Variants in CCBE1 observed in about 807,000 individuals in gnomAD.
CCBE1 encodes collagen and calcium binding EGF domains 1, also known as collagen and calcium-binding EGF domain-containing protein 1.
CCBE1 carries 37 observed loss-of-function variants against 50.0 expected under a neutral mutation model. The ratio of observed to expected loss-of-function variants is 0.74; its 90% CI spans 0.57 to 0.97. The LOEUF is 0.97. CCBE1 is among the 50% of genes least tolerant of loss of function. The pLI, the probability that CCBE1 is intolerant of heterozygous loss-of-function variation, is 0.00. For missense variants in CCBE1, 538 were observed against 523.8 expected, an observed-to-expected ratio of 1.03 and a Z score of -0.26; for synonymous variants, 234 against 203.7, an observed-to-expected ratio of 1.15 and a Z score of -1.27.
At chr18:59,605,922 C>G (rs1213950750) in intron 2 of CCBE1, among the ~76,000 whole-genome samples, 2 of 152,160 alleles carry the variant, frequency 1.3e-5, no homozygotes, top group Non-Finnish European at 1.5e-5. Context: ...GGGGGAAATG[C>G]CTGAGCTAGG....
intron 2 of CCBE1, among the ~76,000 whole-genome samples, chr18:59,620,850 C>A (rs147639403): frequency 2.0e-5 from 3 of 152,256 alleles, no homozygotes; most frequent in African/African-American, 7.2e-5. Context: ...TCTTTATCAG[C>A]AATGTGAAAA....
chr18:59,512,075 C>G (rs577925002), intron 2 of CCBE1, among the ~76,000 whole-genome samples: 2 of 152,282 alleles, frequency 1.3e-5, no homozygotes, highest in East Asian at 1.9e-4. Flanking sequence ...GTTTCTACTT[C>G]CAGCAATCGT....
At chr18:59,686,280 G>A (rs1209320655) in intron 2 of CCBE1, 3 of 152,172 alleles carry the variant, frequency 2.0e-5, no homozygotes, top group Non-Finnish European at 4.4e-5. Flanking sequence ...TTAACCACTG[G>A]GATGAATGTC....
intron 2 of CCBE1, among the ~76,000 whole-genome samples, chr18:59,571,676 AAATG>A (rs1485552086): frequency 1.3e-5 from 2 of 152,272 alleles, no homozygotes; most frequent in African/African-American, 4.8e-5. Flanking sequence ...TAAAATGAAT[AAATG>A]AATAAACATA....
chr18:59,602,396 A>G (rs991750133), intron 2 of CCBE1, among the ~76,000 whole-genome samples: 2 of 152,094 alleles, frequency 1.3e-5, no homozygotes, highest in Non-Finnish European at 2.9e-5. Flanking sequence ...CCTTCTATCA[A>G]TTCATTAGAA....
chr18:59,529,757 C>G (rs1419407235), intron 2 of CCBE1, among the ~76,000 whole-genome samples: 1 of 152,124 alleles, frequency 6.6e-6, no homozygotes, highest in Non-Finnish European at 1.5e-5. Context: ...TAGTTCTTCT[C>G]AGTGGGAGCC....
intron 2 of CCBE1, among the ~76,000 whole-genome samples, chr18:59,508,665 A>G (rs1913992562): frequency 6.6e-6 from 1 of 150,674 alleles, no homozygotes; most frequent in South Asian, 2.1e-4. Flanking sequence ...GCATGAAGAG[A>G]TAACTTATGT....
intron 10 of CCBE1, among the ~76,000 whole-genome samples, chr18:59,437,283 G>A (rs1189568751): frequency 2.6e-5 from 4 of 152,210 alleles, no homozygotes; most frequent in African/African-American, 9.7e-5. Context: ...TCCCGCAACT[G>A]CTGCTACAGC....
intron 2 of CCBE1, among the ~76,000 whole-genome samples, chr18:59,680,010 G>A (rs1352162043): frequency 6.6e-6 from 1 of 151,852 alleles, no homozygotes; most frequent in Non-Finnish European, 1.5e-5. Flanking sequence ...AATCACCTGA[G>A]GTCAGGACGA....
At position 59,524,634 on chromosome 18, in the gene CCBE1, G is replaced by A. The variant is rs560748760; in HGVS notation, c.213-44396C>T. Among the ~76,000 whole-genome samples, 492 of 152,254 alleles carry A rather than the reference G, an allele frequency of 3.2e-3. 5 individuals are homozygous for A. Among genetic ancestry groups the A allele is most frequent in the African/African-American group, 0.011 (463 of 41,548 alleles). ...TTTTAAAGTTCCAAGATACATGTGCGAGATGTGCAGGTTTGTTACATAGGT... is the reference window on the plus strand; with the variant it reads ...TTTTAAAGTTCCAAGATACATGTGCAAGATGTGCAGGTTTGTTACATAGGT... On this transcript the variant is annotated intron_variant, in intron 2 of 10. Coordinates refer to ENST00000439986, the MANE Select transcript of CCBE1 (RefSeq NM_133459.4).
intron 2 of CCBE1, among the ~76,000 whole-genome samples, chr18:59,554,157 C>A (rs1916027141): frequency 6.6e-6 from 1 of 152,128 alleles, no homozygotes; most frequent in African/African-American, 2.4e-5. Context: ...GCCCAGCTAA[C>A]TTTATTTTTT....
intron 5 of CCBE1, among the ~76,000 whole-genome samples, chr18:59,466,285 G>A (rs562515148): frequency 6.6e-6 from 1 of 152,124 alleles, no homozygotes; most frequent in Admixed American, 6.5e-5. Flanking sequence ...TCTCATGACA[G>A]TGTATAAGTC....
At chr18:59,680,439 A>G (rs1192194556) in intron 2 of CCBE1, among the ~76,000 whole-genome samples, 1 of 151,332 alleles carries the variant, frequency 6.6e-6, no homozygotes, top group Non-Finnish European at 1.5e-5. Context: ...GGTGGTTTGC[A>G]TGTAATCCCA....
chr18:59,687,164 G>A (rs187255983), intron 2 of CCBE1, among the ~76,000 whole-genome samples: 1 of 152,174 alleles, frequency 6.6e-6, no homozygotes, highest in Non-Finnish European at 1.5e-5. Flanking sequence ...AAGCTAAGAG[G>A]TCACAGTCAC....
intron 2 of CCBE1, among the ~76,000 whole-genome samples, chr18:59,657,058 A>C (rs1302480250): frequency 6.6e-6 from 1 of 152,212 alleles, no homozygotes; most frequent in Admixed American, 6.5e-5. Context: ...TTCACAGCCT[A>C]AGATTCTGCC....
chr18:59,461,840 C>A (rs911994556), intron 5 of CCBE1, among the ~76,000 whole-genome samples: 2 of 147,604 alleles, frequency 1.4e-5, no homozygotes, highest in African/African-American at 5.0e-5. Flanking sequence ...TCAAGCGATT[C>A]TCCTGCCTTA....
At chr18:59,478,549 A>G (rs1306374991) in intron 3 of CCBE1, among the ~76,000 whole-genome samples, 1 of 152,204 alleles carries the variant, frequency 6.6e-6, no homozygotes, top group Non-Finnish European at 1.5e-5. Context: ...TCCTGAAAAT[A>G]TTCAGTTCTG....
At chr18:59,660,065 G>A (rs915359209) in intron 2 of CCBE1, among the ~76,000 whole-genome samples, 15 of 152,130 alleles carry the variant, frequency 9.9e-5, no homozygotes, top group African/African-American at 3.6e-4. Flanking sequence ...GCCTCACCAG[G>A]GCTCAGGACC....
chr18:59,448,250 A>G (rs925912713), intron 6 of CCBE1, 147 bp from the exon 7 acceptor site: 2 of 1,214,244 alleles, frequency 1.6e-6, no homozygotes, highest in Non-Finnish European at 2.3e-6. Flanking sequence ...GAGAAACTAT[A>G]AAGAGCCTCT....
Sources: allele counts gnomAD v4.1 joint callset (sites outside exome capture counted in the v4.1 genomes callset), GRCh38; gene constraint gnomAD v4.1.1; transcripts MANE v1.5; gene names NCBI Gene and HGNC (gene_info 2026-07-23, HGNC 2026-07-21).